Variants in KIAA1328 observed in about 807,000 individuals in gnomAD.
KIAA1328 encodes the protein protein hinderin.
In KIAA1328, 52 loss-of-function variants were observed where a neutral mutation model predicts 68.1. The observed-to-expected ratio is 0.76, with a 90% CI of 0.61 to 0.96. KIAA1328 has a LOEUF of 0.96. Among genes scored for constraint, KIAA1328 ranks in the 40% least tolerant of loss-of-function variants. The probability of loss-of-function intolerance (pLI) is 0.00; values close to 1 mark genes in which losing one functional copy is unlikely to be tolerated. For synonymous variants in KIAA1328, 232 were observed against 239.4 expected (o/e 0.97, Z 0.28); for missense variants, 641 against 677.6 (o/e 0.95, Z 0.60).
intron 4 of KIAA1328, among the ~76,000 whole-genome samples, chr18:36,844,542 T>C (rs1192781984): frequency 6.6e-6 from 1 of 151,992 alleles, no homozygotes; most frequent in Non-Finnish European, 1.5e-5. Flanking sequence ...AATTGTTTGA[T>C]GCAAATATTT....
In KIAA1328 at chr18:36,913,479, T is replaced by TACACACACACACAC. The variant is rs10582262; in HGVS notation, c.448+27838_448+27851dup. ...GGATGTACAAAGGCAATTACAACCT[T>TACACACACACACAC]ACACACACACACACACACACACACA... is the stretch of plus-strand genomic sequence containing the variant. On this transcript the variant is annotated intron_variant, in intron 5 of 9. Coordinates refer to ENST00000280020, the MANE Select transcript of KIAA1328 (RefSeq NM_020776.3). Among the ~76,000 whole-genome samples, 137 of 91,422 alleles carry TACACACACACACAC rather than the reference T, an allele frequency of 1.5e-3. 3 individuals are homozygous for TACACACACACACAC. Among genetic ancestry groups the TACACACACACACAC allele is most frequent in the Non-Finnish European group, 2.1e-3 (94 of 45,424 alleles). 60.0% of individuals were successfully genotyped at this position (91,422 alleles called of 152,430 possible).
At chr18:37,109,494 T>A (rs1240330465) in intron 7 of KIAA1328, among the ~76,000 whole-genome samples, 1 of 152,226 alleles carries the variant, frequency 6.6e-6, no homozygotes, top group Non-Finnish European at 1.5e-5. Context: ...ATTTGTGGGA[T>A]ATTTTCTCAA....
chr18:37,103,806 A>T (rs1387962286), intron 7 of KIAA1328, among the ~76,000 whole-genome samples: 2 of 28,178 alleles, frequency 7.1e-5, no homozygotes, highest in African/African-American at 1.7e-3. Context: ...TAGCAAATAC[A>T]CACACACACA....
At chr18:37,146,216 T>A (rs2058895354) in intron 7 of KIAA1328, among the ~76,000 whole-genome samples, 1 of 152,108 alleles carries the variant, frequency 6.6e-6, no homozygotes, top group South Asian at 2.1e-4. Flanking sequence ...CCAATATTTA[T>A]TTTTTCTTCT....
intron 6 of KIAA1328, among the ~76,000 whole-genome samples, chr18:37,024,227 C>G (rs1599002884): frequency 6.6e-6 from 1 of 151,960 alleles, no homozygotes; most frequent in Admixed American, 6.6e-5. Context: ...CGAATGAACT[C>G]TTGGGTCAGG....
chr18:37,023,764 AC>A (rs1279436703), intron 6 of KIAA1328, among the ~76,000 whole-genome samples: 1 of 152,128 alleles, frequency 6.6e-6, no homozygotes, highest in Admixed American at 6.5e-5. Flanking sequence ...TCCCCCCATG[AC>A]AGTTGAACAT....
chr18:37,013,173 G>A (rs1259409467), intron 6 of KIAA1328, among the ~76,000 whole-genome samples: 1 of 152,124 alleles, frequency 6.6e-6, no homozygotes, highest in African/African-American at 2.4e-5. Context: ...TTCAGAGACA[G>A]GATAGGGTAG....
At chr18:36,941,842 A>G (rs1241557130) in intron 5 of KIAA1328, among the ~76,000 whole-genome samples, 1 of 152,164 alleles carries the variant, frequency 6.6e-6, no homozygotes, top group Non-Finnish European at 1.5e-5. Context: ...ATGCAGAATC[A>G]TTACTAAAGA....
At chr18:36,977,965 G>T (rs1275336380) in intron 6 of KIAA1328, among the ~76,000 whole-genome samples, 1 of 151,872 alleles carries the variant, frequency 6.6e-6, no homozygotes, top group African/African-American at 2.4e-5. Context: ...TGTAATTTTA[G>T]TAGAGGTTGG....
chr18:36,957,246 C>T lies in KIAA1328; in HGVS notation c.449-2062C>T, dbSNP rs113354041. On this transcript the variant is annotated intron_variant, in intron 5 of 9. Transcript: ENST00000280020. ...TTTTGACATTTAAAAACTAATATTTCGACCCTTAATCGTGATGACCTATTG... is the reference window on the plus strand; with the variant it reads ...TTTTGACATTTAAAAACTAATATTTTGACCCTTAATCGTGATGACCTATTG... Among the ~76,000 whole-genome samples, 8 of 152,224 alleles carry T rather than the reference C, an allele frequency of 5.3e-5. No individual in the cohort carries two copies. In the East Asian group the frequency reaches 7.7e-4, roughly 15 times the overall value.
intron 7 of KIAA1328, among the ~76,000 whole-genome samples, chr18:37,097,727 C>G (rs1171340487): frequency 9.2e-5 from 14 of 152,024 alleles, no homozygotes; most frequent in Non-Finnish European, 1.3e-4. Context: ...TCTTCCATTT[C>G]TTTGTATCCT....
At chr18:36,967,531 T>C (rs999657449) in intron 6 of KIAA1328, among the ~76,000 whole-genome samples, 4 of 152,194 alleles carry the variant, frequency 2.6e-5, no homozygotes, top group Non-Finnish European at 5.9e-5. Context: ...GTTGCATTTA[T>C]GGTAACTTGT....
intron 9 of KIAA1328, among the ~76,000 whole-genome samples, chr18:37,212,601 CAAA>C (rs1178941605): frequency 6.6e-6 from 1 of 151,954 alleles, no homozygotes; most frequent in Non-Finnish European, 1.5e-5. Flanking sequence ...CTACAGATAG[CAAA>C]AAATTGTATT....
Position 36,901,085 on chromosome 18 carries a change from A to G in KIAA1328, c.448+15413A>G, listed in dbSNP as rs898773900. On this transcript the variant is annotated intron_variant, in intron 5 of 9. Transcript: ENST00000280020. ...GATAAATATCATGTTCCTTATGAATATTTAGAGTTCTGCTTCTGAAATGTT... is the reference window on the plus strand; with the variant it reads ...GATAAATATCATGTTCCTTATGAATGTTTAGAGTTCTGCTTCTGAAATGTT... Among the ~76,000 whole-genome samples the G allele has an allele frequency of 5.9e-5, 9 of 152,150 alleles. 1 individual carries two copies. The highest frequency in any genetic ancestry group is 6.8e-3 in the Middle Eastern group (2 of 294).
chr18:36,946,919 A>G (rs778869968), intron 5 of KIAA1328, among the ~76,000 whole-genome samples: 28 of 152,194 alleles, frequency 1.8e-4, no homozygotes, highest in Non-Finnish European at 3.5e-4. Context: ...GCACTGGAAG[A>G]TGAAATACTG....
intron 8 of KIAA1328, among the ~76,000 whole-genome samples, chr18:37,165,071 C>T (rs1478095141): frequency 2.0e-5 from 3 of 152,106 alleles, no homozygotes; most frequent in Admixed American, 1.3e-4. Flanking sequence ...TCCCAGGGAA[C>T]GCTTCCTCTT....
intron 9 of KIAA1328, among the ~76,000 whole-genome samples, chr18:37,211,740 T>C (rs921688742): frequency 3.9e-5 from 6 of 152,238 alleles, no homozygotes; most frequent in Non-Finnish European, 4.4e-5. Context: ...ATTTTTTTAC[T>C]ATATTTCATA....
chr18:37,079,271 A>G (rs2056862259), intron 7 of KIAA1328, among the ~76,000 whole-genome samples: 1 of 111,202 alleles, frequency 9.0e-6, no homozygotes, highest in African/African-American at 4.9e-5. Flanking sequence ...TTAGGTGGGA[A>G]TTGAACAATG....
Position 37,193,117 on chromosome 18 carries a change from T to G in KIAA1328, c.1523+20036T>G, listed in dbSNP as rs560406441. On this transcript the variant is annotated intron_variant, in intron 9 of 9. Transcript: ENST00000280020. ...AGAGCAAGCATGCCATGAACCTTGATTGGTGGGCATTGTTGAAGAAGAGGA... is the reference window on the plus strand; with the variant it reads ...AGAGCAAGCATGCCATGAACCTTGAGTGGTGGGCATTGTTGAAGAAGAGGA... Among the ~76,000 whole-genome samples the G allele has an allele frequency of 9.9e-5, 15 of 152,156 alleles. No homozygotes were observed. The South Asian group carries it at 2.5e-3, about 25-fold the overall frequency.
Sources: allele counts gnomAD v4.1 joint callset (sites outside exome capture counted in the v4.1 genomes callset), GRCh38; gene constraint gnomAD v4.1.1; transcripts MANE v1.5; gene names NCBI Gene and HGNC (gene_info 2026-07-23, HGNC 2026-07-21).